The following PANX3 variants were observed in gnomAD, a reference collection of about 807,000 sequenced individuals.
The protein encoded by PANX3 is pannexin-3.
In PANX3, 18 loss-of-function variants were observed where a neutral mutation model predicts 31.5. That is an observed-to-expected ratio of 0.57 (90% CI 0.39 to 0.85). PANX3 has a LOEUF of 0.85. Ranked by LOEUF, PANX3 falls within the 40% of genes least tolerant of loss-of-function variation. PANX3 has a pLI of 0.00. For synonymous variants in PANX3, 194 were observed against 201.6 expected (o/e 0.96, Z 0.32); for missense variants, 426 against 485.4 (o/e 0.88, Z 1.15).
rs147115664 is a variant in PANX3 at position 124,613,007 on chromosome 11, G to C, written c.209G>C (p.Ser70Thr). The change falls in exon 2 of 4, where the codon AGT (serine) becomes ACT (threonine). Residue 70 changes from serine to threonine, a missense_variant. Transcript: ENST00000284288. Reference protein sequence around the residue: ...SGSPISCFSPSNFSIRQAAYV... With the variant: ...SGSPISCFSPTNFSIRQAAYV... ...TCTCCGATCAGCTGCTTCTCTCCCA[G>C]TAACTTCAGCATCCGGCAGGCAGCC... 1.6e-4 allele frequency: 262 copies of C among 1,614,112 alleles called. 4 individuals are homozygous for C. The East Asian group carries it at 3.0e-3, about 19-fold the overall frequency.
At position 124,616,955 on chromosome 11, in the gene PANX3, C is replaced by T. The variant is rs561047538; in HGVS notation, c.325-319C>T. ...CCCCTCCCTTCCCCTCTCCTTCCCACCTCTCCTCTCTCTCTCTCTCCTTAT... is the reference window on the plus strand; with the variant it reads ...CCCCTCCCTTCCCCTCTCCTTCCCATCTCTCCTCTCTCTCTCTCTCCTTAT... On this transcript the variant is annotated intron_variant, in intron 2 of 3. Coordinates refer to ENST00000284288, the MANE Select transcript of PANX3 (RefSeq NM_052959.3). The surrounding 1 kb of genome is among the most constrained non-coding windows in gnomAD (Gnocchi z 4.8). 6.3e-4 allele frequency among the ~76,000 whole-genome samples: 95 copies of T among 151,142 alleles called. 1 individual carries two copies. Among genetic ancestry groups the T allele is most frequent in the Admixed American group, 1.8e-3 (27 of 15,204 alleles).
rs1863201453 is a variant in PANX3, at chr11:124,620,189, A to C, written c.*254A>C. On this transcript the variant is annotated 3_prime_UTR_variant, in exon 4 of 4. Transcript: ENST00000284288. Reference sequence around the variant, plus strand: ...TAAGTCTAGAACATTCTATGAGGATAGTATAAATAAAAAGAAATACAGTCT... The same window carrying C: ...TAAGTCTAGAACATTCTATGAGGATCGTATAAATAAAAAGAAATACAGTCT... 6.9e-6 allele frequency: 3 copies of C among 435,458 alleles called. No individual in the cohort carries two copies. In the South Asian group the frequency reaches 1.4e-4, roughly 20 times the overall value. 27.0% of individuals were successfully genotyped at this position (435,458 alleles called of 1,614,324 possible).
At chr11:124,612,307 G>A (rs531710101) in intron 1 of PANX3, among the ~76,000 whole-genome samples, 1 of 152,344 alleles carries the variant, frequency 6.6e-6, no homozygotes, top group South Asian at 2.1e-4. Context: ...TAGGGTTTCA[G>A]GTGCTAGATT....
Position 124,613,019 on chromosome 11 carries a change from T to A in PANX3, c.221T>A (p.Ile74Asn), listed in dbSNP as rs1271532973. Residue 74 changes from isoleucine (I) to asparagine (N), a missense_variant, in exon 2 of 4, where the codon ATC becomes AAC. Physicochemically the swap from Ile to Asn is moderately radical, Grantham distance 149 (BLOSUM62 -3). Transcript: ENST00000284288. ...ISCFSPSNFS[I>N]RQAAYVDSSC... ...TGCTTCTCTCCCAGTAACTTCAGCA[T>A]CCGGCAGGCAGCCTACGTGGACAGC... The A allele has an allele frequency of 6.2e-7, 1 of 1,614,022 alleles. No homozygotes were observed. The highest frequency in any genetic ancestry group is 8.5e-7 in the Non-Finnish European group (1 of 1,180,024).
chr11:124,614,184 A>AG lies in PANX3; in HGVS notation c.324+1062_324+1063insG, dbSNP rs1400000093. Reference sequence around the variant, plus strand: ...CTAAATGGTAAAAAAAAAAAAAAAAAAAAAAAAGAAAAATAAATTCTGTGG... The same window carrying AG: ...CTAAATGGTAAAAAAAAAAAAAAAAAGAAAAAAAGAAAAATAAATTCTGTGG... On this transcript the variant is annotated intron_variant, in intron 2 of 3. Transcript: ENST00000284288. Among the ~76,000 whole-genome samples the AG allele has an allele frequency of 2.0e-5, 3 of 151,546 alleles. No individual in the cohort carries two copies. The East Asian group carries it at 5.8e-4, about 29-fold the overall frequency.
In PANX3 at chr11:124,617,391, G is replaced by A. The variant is rs1863165875; in HGVS notation, c.442G>A (p.Asp148Asn). 2 of 1,613,978 alleles carry A rather than the reference G, an allele frequency of 1.2e-6. No homozygotes were observed. The highest frequency in any genetic ancestry group is 1.7e-5 in the Admixed American group (1 of 60,012). Residue 148 changes from aspartate (D) to asparagine (N), a missense_variant, in exon 3 of 4, where the codon GAC becomes AAC. Transcript: ENST00000284288. Reference sequence around the variant, plus strand: ...TCTGCTGTTCATCATCAGCGAACTGGACAAATCTTATAATCGCTCCATCCG... The same window carrying A: ...TCTGCTGTTCATCATCAGCGAACTGAACAAATCTTATAATCGCTCCATCCG... The part of the protein sequence containing the change: ...SDLLFIISEL[D>N]KSYNRSIRLV...
Position 124,611,566 on chromosome 11 carries a change from G to T in PANX3, c.10G>T (p.Ala4Ser). The T allele has an allele frequency of 6.2e-7, 1 of 1,612,036 alleles. No individual in the cohort carries two copies. The highest frequency in any genetic ancestry group is 8.5e-7 in the Non-Finnish European group (1 of 1,178,682). MSL[A>S]HTAAEYMLSD... The stretch of plus-strand genomic sequence containing the variant: ...CAAGCTCAGCAGCATCATGTCACTT[G>T]CACACACAGCTGCAGAGTACATGCT... The change falls in exon 1 of 4, where the codon GCA becomes TCA. Residue 4 changes from alanine (A) to serine (S), a missense_variant. Transcript: ENST00000284288.
chr11:124,617,465 T>C lies in PANX3; in HGVS notation c.516T>C (p.Tyr172=), dbSNP rs746866674. 1 of 1,614,252 alleles carries C rather than the reference T, an allele frequency of 6.2e-7. No individual in the cohort carries two copies. The highest frequency in any genetic ancestry group is 1.7e-5 in the Admixed American group (1 of 60,036). Residue 172 remains tyrosine, a synonymous_variant, in exon 3 of 4, where the codon TAT becomes TAC. Coordinates refer to ENST00000284288, the MANE Select transcript of PANX3 (RefSeq NM_052959.3). The part of the protein sequence containing the change: ...LKIRQKSSDP[Y]VFWNELEKAR... ...TCCGGCAGAAGAGTTCCGACCCCTA[T>C]GTGTTCTGGAATGAGCTGGAGAAGT...
chr11:124,617,570 C>A, intron 3 of PANX3, 82 bp downstream of exon 3: 2 of 1,373,300 alleles, frequency 1.5e-6, no homozygotes, highest in Non-Finnish European at 2.1e-6. Flanking sequence ...TTTAAATGAT[C>A]TTCCATGCCA....
intron 1 of PANX3, among the ~76,000 whole-genome samples, 190 bp downstream of exon 1, chr11:124,611,927 A>G (rs1407206763): frequency 1.3e-5 from 2 of 150,756 alleles, no homozygotes; most frequent in Non-Finnish European, 2.9e-5. Context: ...AAATTTTGAA[A>G]GTCATCTCCA....
chr11:124,615,044 T>C (rs1015545316), intron 2 of PANX3, among the ~76,000 whole-genome samples: 26 of 152,142 alleles, frequency 1.7e-4, no homozygotes, highest in Middle Eastern at 3.4e-3. Context: ...TTTCCCAACA[T>C]ATCTTTCTTG....
In PANX3 at chr11:124,611,652, G is replaced by A; in HGVS notation, c.96G>A (p.Leu32=). The A allele has an allele frequency of 3.1e-6, 5 of 1,614,184 alleles. No homozygotes were observed. The highest frequency in any genetic ancestry group is 4.2e-6 in the Non-Finnish European group (5 of 1,180,022). The change falls in exon 1 of 4, where the codon CTG becomes CTA. Residue 32 remains leucine (L), a synonymous_variant. Coordinates refer to ENST00000284288, the MANE Select transcript of PANX3 (RefSeq NM_052959.3). ...GCCTCAAAGGACTGCGTCTGGAACT[G>A]CCCCTGGACCGGATAGTCAAGTTCG... ...GPRLKGLRLE[L]PLDRIVKFVA...
In PANX3 at chr11:124,611,743, T is replaced by C. The variant is rs1373490707; in HGVS notation, c.181+6T>C. The C allele has an allele frequency of 1.4e-5, 22 of 1,612,562 alleles. No homozygotes were observed. The highest frequency in any genetic ancestry group is 1.7e-5 in the Non-Finnish European group (20 of 1,179,122). On this transcript the variant is annotated splice_donor_region_variant and intron_variant, in intron 1 of 3. Coordinates refer to ENST00000284288, the MANE Select transcript of PANX3 (RefSeq NM_052959.3). ...CGCCCAGGAGTTCTCCTCTGGTAAG[T>C]TGCTTCCAAGACCCAGTGCGCAAGA...
chr11:124,619,379 C>T lies in PANX3; in HGVS notation c.623C>T (p.Thr208Ile). 6.2e-7 allele frequency: 1 copy of T among 1,613,820 alleles called. No homozygotes were observed. Among genetic ancestry groups the T allele is most frequent in the Non-Finnish European group, 8.5e-7 (1 of 1,180,004 alleles). The change falls in exon 4 of 4, where the codon ACC becomes ATC. Residue 208 changes from threonine to isoleucine, a missense_variant. By Grantham distance (89) the Thr-to-Ile change is moderately conservative (BLOSUM62 -1). Coordinates refer to ENST00000284288, the MANE Select transcript of PANX3 (RefSeq NM_052959.3). ...CKQRSHSLVA[T>I]YLLRNSLLLI... ...CAGCGTTCACATTCGCTAGTGGCTA[C>T]CTACCTCCTGAGGAACTCCCTCTTG...
In PANX3 at chr11:124,614,740, G is replaced by A. The variant is rs1193382086; in HGVS notation, c.324+1618G>A. Among the ~76,000 whole-genome samples, 12 of 117,816 alleles carry A rather than the reference G, an allele frequency of 1.0e-4. No homozygotes were observed. The East Asian group carries it at 2.6e-3, about 26-fold the overall frequency. 77.3% of individuals were successfully genotyped at this position (117,816 alleles called of 152,430 possible). A position where few individuals can be genotyped will look rare whatever the true frequency, so the allele number is the denominator to read the frequency against. On this transcript the variant is annotated intron_variant, in intron 2 of 3. Transcript: ENST00000284288. ...CCCCCAGGCTGGAGTGCAATGGCAC[G>A]ATCTTGGCTCACTGCAACCTCCACC...
Position 124,611,688 on chromosome 11 carries a change from C to A in PANX3, c.132C>A (p.Gly44=), listed in dbSNP as rs1241661330. 6.2e-7 allele frequency: 1 copy of A among 1,614,146 alleles called. No individual in the cohort carries two copies. The highest frequency in any genetic ancestry group is 2.2e-5 in the East Asian group (1 of 44,870). ...LDRIVKFVAV[G]SPLLLMSLAF... ...GGATAGTCAAGTTCGTAGCTGTGGGCTCCCCCTTGTTGCTGATGTCCCTGG... is the reference window on the plus strand; with the variant it reads ...GGATAGTCAAGTTCGTAGCTGTGGGATCCCCCTTGTTGCTGATGTCCCTGG... Residue 44 remains glycine, a synonymous_variant, in exon 1 of 4, where the codon GGC becomes GGA. Transcript: ENST00000284288.
intron 1 of PANX3, among the ~76,000 whole-genome samples, 175 bp downstream of exon 1, chr11:124,611,912 C>T (rs186340135): frequency 7.7e-6 from 1 of 129,264 alleles, no homozygotes; most frequent in East Asian, 2.2e-4. Context: ...AGCAGAGGCA[C>T]CAAAAAATTT....
chr11:124,611,812 G>C, intron 1 of PANX3, 75 bp downstream of exon 1: 1 of 1,489,376 alleles, frequency 6.7e-7, no homozygotes, highest in Non-Finnish European at 9.2e-7. Context: ...TCTGAAGTGA[G>C]ATGGTGCGCA....
chr11:124,619,347 A>T lies in PANX3; in HGVS notation c.591A>T (p.Ala197=). 6.2e-7 allele frequency: 1 copy of T among 1,614,162 alleles called. No homozygotes were observed. The highest frequency in any genetic ancestry group is 8.5e-7 in the Non-Finnish European group (1 of 1,180,028). Residue 197 remains alanine (A), a synonymous_variant, in exon 4 of 4, where the codon GCA becomes GCT. Transcript: ENST00000284288. ...TCCCTTTGCTAGAGCGGTACCTGGC[A>T]TGTAAGCAGCGTTCACATTCGCTAG... ...FEFPLLERYL[A]CKQRSHSLVA...
Sources: gnomAD v4.1 joint callset for allele counts (sites outside exome capture counted in the v4.1 genomes callset) on GRCh38, gnomAD v4.1.1 for gene constraint, Gnocchi (gnomAD v3.1) non-coding constraint, MANE v1.5 for transcripts, NCBI Gene and HGNC (gene_info 2026-07-23, HGNC 2026-07-21) for gene names.